KHDRBS3: variants seen among roughly 807,000 people sequenced by gnomAD.
KHDRBS3 encodes KH RNA binding domain containing, signal transduction associated 3.
A neutral mutation model predicts 45.6 loss-of-function variants in KHDRBS3; 23 were observed. That is an observed-to-expected ratio of 0.50 (90% confidence interval 0.36 to 0.72). KHDRBS3 has a LOEUF of 0.72. Among genes scored for constraint, KHDRBS3 ranks in the 30% least tolerant of loss-of-function variants. The pLI is 0.00. For missense variants in KHDRBS3, 352 were observed against 424.8 expected, an observed-to-expected ratio of 0.83 and a Z score of 1.51; for synonymous variants, 162 against 156.5, an observed-to-expected ratio of 1.04 and a Z score of -0.26.
intron 1 of KHDRBS3, among the ~76,000 whole-genome samples, chr8:135,502,283 A>AC (rs1294854174): frequency 6.6e-6 from 1 of 152,028 alleles, no homozygotes; most frequent in Non-Finnish European, 1.5e-5. Context: ...TCACTTTATC[A>AC]CCAGATACTC....
intron 1 of KHDRBS3, among the ~76,000 whole-genome samples, chr8:135,481,054 C>A (rs534142442): frequency 6.6e-6 from 1 of 151,762 alleles, no homozygotes; most frequent in African/African-American, 2.4e-5. Flanking sequence ...CCAATGAAGT[C>A]ATTCTTTTGT....
chr8:135,468,688 G>A (rs965415855), intron 1 of KHDRBS3, among the ~76,000 whole-genome samples: 2 of 152,180 alleles, frequency 1.3e-5, no homozygotes, highest in Non-Finnish European at 2.9e-5. Flanking sequence ...GAGAAACTAG[G>A]AGCCCAGGCT....
chr8:135,516,104 A>C (rs1392651075), intron 1 of KHDRBS3, among the ~76,000 whole-genome samples: 1 of 152,226 alleles, frequency 6.6e-6, no homozygotes, highest in East Asian at 1.9e-4. Flanking sequence ...GCCAGAGTAC[A>C]TGTTACCATA....
chr8:135,587,804 A>G (rs561350273), intron 6 of KHDRBS3, among the ~76,000 whole-genome samples: 1 of 152,332 alleles, frequency 6.6e-6, no homozygotes, highest in Admixed American at 6.5e-5. Flanking sequence ...TTTAGGGTCA[A>G]CATGCAAAGA....
intron 6 of KHDRBS3, among the ~76,000 whole-genome samples, chr8:135,592,927 G>A (rs538674832): frequency 3.5e-4 from 53 of 152,128 alleles, no homozygotes; most frequent in Non-Finnish European, 6.2e-4. Context: ...GGTGGGCCTC[G>A]GTGTCTCACT....
At position 135,532,388 on chromosome 8, in the gene KHDRBS3, G is replaced by A. The variant is rs1267792295; in HGVS notation, c.208-10266G>A. ...TTGTCCTTGGGCAGGAAATAGGTAA[G>A]TGTAGATTATAAACTAAAGATGTTC... On this transcript the variant is annotated intron_variant, in intron 2 of 8. Transcript: ENST00000355849. 2.0e-5 allele frequency among the ~76,000 whole-genome samples: 3 copies of A among 152,196 alleles called. No homozygotes were observed. The East Asian group carries it at 5.8e-4, about 29-fold the overall frequency.
At chr8:135,461,176 C>T (rs915873075) in intron 1 of KHDRBS3, among the ~76,000 whole-genome samples, 4 of 152,218 alleles carry the variant, frequency 2.6e-5, no homozygotes, top group African/African-American at 4.8e-5. Flanking sequence ...ACAATCTAGG[C>T]TCACCGTAAC....
At chr8:135,592,922 G>C (rs1188698840) in intron 6 of KHDRBS3, among the ~76,000 whole-genome samples, 1 of 151,930 alleles carries the variant, frequency 6.6e-6, no homozygotes, top group Non-Finnish European at 1.5e-5. Flanking sequence ...ATCTTGGTGG[G>C]CCTCGGTGTC....
rs1823445794 is a variant in KHDRBS3, at chr8:135,496,311, C to G, written c.89-24926C>G. On this transcript the variant is annotated intron_variant, in intron 1 of 8. Transcript: ENST00000355849. ...GCAGTGGTGTGGTCTCGGCTCACTGCAGCCTGTGCCTCCTGGGTTCAAGCA... is the reference window on the plus strand; with the variant it reads ...GCAGTGGTGTGGTCTCGGCTCACTGGAGCCTGTGCCTCCTGGGTTCAAGCA... Among the ~76,000 whole-genome samples the G allele has an allele frequency of 2.0e-5, 3 of 151,812 alleles. No individual in the cohort carries two copies. In the South Asian group the frequency reaches 6.3e-4, roughly 32 times the overall value.
At chr8:135,479,856 A>G (rs1822476215) in intron 1 of KHDRBS3, among the ~76,000 whole-genome samples, 1 of 152,208 alleles carries the variant, frequency 6.6e-6, no homozygotes, top group African/African-American at 2.4e-5. Context: ...AAAAGACATC[A>G]CAAGAAAACT....
At chr8:135,653,119 G>A (rs1029925618) in intron 4 of KHDRBS3, among the ~76,000 whole-genome samples, 1 of 152,186 alleles carries the variant, frequency 6.6e-6, no homozygotes, top group Non-Finnish European at 1.5e-5. Flanking sequence ...TCAAAACAAG[G>A]AGATAGAATA....
chr8:135,501,085 T>G (rs988796409), intron 1 of KHDRBS3, among the ~76,000 whole-genome samples: 6 of 152,188 alleles, frequency 3.9e-5, no homozygotes, highest in African/African-American at 1.4e-4. Flanking sequence ...TATTGAAAAG[T>G]GCCTCAACTG....
intron 4 of KHDRBS3, among the ~76,000 whole-genome samples, chr8:135,554,353 A>G (rs763889056): frequency 6.6e-6 from 1 of 152,162 alleles, no homozygotes; most frequent in Non-Finnish European, 1.5e-5. Flanking sequence ...TACACCTCCT[A>G]ACACTTTTCA....
chr8:135,530,021 C>A (rs1825390495), intron 2 of KHDRBS3, among the ~76,000 whole-genome samples: 1 of 149,044 alleles, frequency 6.7e-6, no homozygotes, highest in African/African-American at 2.5e-5. Flanking sequence ...CACTGCACTC[C>A]AGCCTGAGCC....
At chr8:135,593,805 C>T (rs1415501022) in intron 6 of KHDRBS3, among the ~76,000 whole-genome samples, 1 of 152,134 alleles carries the variant, frequency 6.6e-6, no homozygotes, top group Non-Finnish European at 1.5e-5. Flanking sequence ...AGACGAAACA[C>T]AGTTAACCTT....
At chr8:135,537,230 G>A (rs2130746905) in intron 2 of KHDRBS3, among the ~76,000 whole-genome samples, 1 of 152,232 alleles carries the variant, frequency 6.6e-6, no homozygotes, top group East Asian at 1.9e-4. Context: ...TGGTGGCGGA[G>A]TTTCCAAGTT....
intron 1 of KHDRBS3, among the ~76,000 whole-genome samples, chr8:135,507,054 AAT>A (rs1391956616): frequency 2.0e-5 from 3 of 152,172 alleles, no homozygotes; most frequent in Non-Finnish European, 2.9e-5. Flanking sequence ...GCCCCAAATA[AAT>A]AGACTGCAGA....
intron 1 of KHDRBS3, among the ~76,000 whole-genome samples, chr8:135,471,145 G>A (rs1203002906): frequency 1.3e-5 from 2 of 152,190 alleles, no homozygotes; most frequent in Non-Finnish European, 2.9e-5. Context: ...TTAGAAGAAT[G>A]TGCGTGAATT....
intron 4 of KHDRBS3, among the ~76,000 whole-genome samples, chr8:135,654,132 C>T (rs1051130048): frequency 6.6e-6 from 1 of 152,088 alleles, no homozygotes; most frequent in East Asian, 1.9e-4. Context: ...CCCCTTGTTT[C>T]ACTTTGAAGT....
Sources: allele counts gnomAD v4.1 joint callset (sites outside exome capture counted in the v4.1 genomes callset), GRCh38; gene constraint gnomAD v4.1.1; transcripts MANE v1.5; gene names NCBI Gene and HGNC (gene_info 2026-07-23, HGNC 2026-07-21).